Variants in PPP4R2 observed in about 807,000 individuals in gnomAD.
PPP4R2 encodes the protein protein phosphatase 4 regulatory subunit 2, also known as serine/threonine-protein phosphatase 4 regulatory subunit 2.
A neutral mutation model predicts 47.2 loss-of-function variants in PPP4R2; 13 were observed. The observed-to-expected ratio is 0.28, with a 90% CI of 0.18 to 0.44. The LOEUF (loss-of-function observed/expected upper bound fraction) is 0.44. Ranked by LOEUF, PPP4R2 falls within the 20% of genes least tolerant of loss-of-function variation. PPP4R2 has a pLI of 1.00. For synonymous variants in PPP4R2, 151 were observed against 163.3 expected, an observed-to-expected ratio of 0.92 and a Z score of 0.57; for missense variants, 421 against 491.2, an observed-to-expected ratio of 0.86 and a Z score of 1.35.
intron 3 of PPP4R2, among the ~76,000 whole-genome samples, chr3:73,053,379 G>C (rs1226419742): frequency 1.3e-5 from 2 of 151,884 alleles, no homozygotes; most frequent in African/African-American, 4.8e-5. Flanking sequence ...GTGGTAATAT[G>C]GCTTGATGTG....
chr3:73,028,905 G>A (rs1198576394), intron 2 of PPP4R2, among the ~76,000 whole-genome samples: 1 of 152,200 alleles, frequency 6.6e-6, no homozygotes, highest in East Asian at 1.9e-4. Context: ...GTGGAGCACT[G>A]TAAAGGCTTT....
At chr3:73,046,410 G>T (rs79850995) in intron 2 of PPP4R2, among the ~76,000 whole-genome samples, 1 of 152,106 alleles carries the variant, frequency 6.6e-6, no homozygotes, top group Non-Finnish European at 1.5e-5. Context: ...AGTACTGTCT[G>T]CCTGAGGAAA....
At chr3:73,018,407 C>CGTTATGTTTGTTAT (rs1701885432) in intron 2 of PPP4R2, among the ~76,000 whole-genome samples, 2 of 96,028 alleles carry the variant, frequency 2.1e-5, no homozygotes, top group Non-Finnish European at 4.3e-5. Flanking sequence ...CTGTCATAGT[C>CGTTATGTTTGTTAT]GTTATGTTAT....
intron 2 of PPP4R2, among the ~76,000 whole-genome samples, chr3:73,024,468 G>A (rs1294405502): frequency 6.6e-6 from 1 of 152,094 alleles, no homozygotes; most frequent in Non-Finnish European, 1.5e-5. Context: ...ATATTTTGGT[G>A]GATCTTAAGG....
intron 2 of PPP4R2, among the ~76,000 whole-genome samples, chr3:73,011,121 G>T (rs980360185): frequency 6.6e-6 from 1 of 152,180 alleles, no homozygotes; most frequent in Admixed American, 6.5e-5. Flanking sequence ...CCCTTGTTCA[G>T]TTGTCTTACA....
At chr3:73,058,128 G>A (rs79698204) in intron 3 of PPP4R2, among the ~76,000 whole-genome samples, 2,960 of 152,074 alleles carry the variant, frequency 0.019, 84 homozygotes, top group African/African-American at 0.053. Flanking sequence ...AATGATTTTA[G>A]TTCCAACTTA....
intron 2 of PPP4R2, among the ~76,000 whole-genome samples, chr3:73,006,550 C>A (rs1261501727): frequency 1.3e-5 from 2 of 152,178 alleles, no homozygotes; most frequent in Non-Finnish European, 2.9e-5. Context: ...GTTTTAAGAA[C>A]ACGGCAGTTT....
intron 2 of PPP4R2, among the ~76,000 whole-genome samples, chr3:73,028,365 G>A (rs2107269868): frequency 6.6e-6 from 1 of 152,080 alleles, no homozygotes; most frequent in African/African-American, 2.4e-5. Context: ...AAATAAGATG[G>A]TCAGGGGAAG....
At chr3:73,060,296 T>TA (rs536127893) in intron 4 of PPP4R2, among the ~76,000 whole-genome samples, 50 of 152,356 alleles carry the variant, frequency 3.3e-4, no homozygotes, top group African/African-American at 7.7e-4. Context: ...CATCAGTACT[T>TA]ACTTTTCAGC....
intron 2 of PPP4R2, among the ~76,000 whole-genome samples, chr3:73,042,361 CTTTTTTTTTTTT>C (rs10709279): frequency 4.0e-5 from 3 of 75,928 alleles, no homozygotes; most frequent in East Asian, 4.0e-4. Flanking sequence ...AATATAATTT[CTTTTTTTTTTTT>C]TTTTTTTTTG....
intron 5 of PPP4R2, chr3:73,062,878 A>G (rs1702899101): frequency 6.2e-7 from 1 of 1,612,822 alleles, no homozygotes; most frequent in Non-Finnish European, 8.5e-7. Flanking sequence ...TCCCCTCTAC[A>G]CAAGCTACGC....
At position 73,067,924 on chromosome 3, in the gene PPP4R2, T is replaced by C. The variant is rs960378166; in HGVS notation, c.*2202T>C. The C allele has an allele frequency of 2.6e-5, 4 of 152,202 alleles. No individual in the cohort carries two copies. Among genetic ancestry groups the C allele is most frequent in the Non-Finnish European group, 5.9e-5 (4 of 68,028 alleles). The allele number at this position is 152,202 out of a possible 1,614,324, so 9.4% of individuals were successfully genotyped here. On this transcript the variant is annotated 3_prime_UTR_variant, in exon 9 of 9. Coordinates refer to ENST00000356692, the MANE Select transcript of PPP4R2 (RefSeq NM_174907.4). ...GCATTTTAATCTATAGTTTAATAGT[T>C]TTAATATTTATTAGATATTCATATG...
At chr3:73,042,098 A>G in intron 2 of PPP4R2, among the ~76,000 whole-genome samples, 1 of 152,164 alleles carries the variant, frequency 6.6e-6, no homozygotes, top group Non-Finnish European at 1.5e-5. Context: ...TTATTGAGTT[A>G]ATTTCAGTAA....
At chr3:73,016,739 A>C (rs9862644) in intron 2 of PPP4R2, among the ~76,000 whole-genome samples, 1 of 98,494 alleles carries the variant, frequency 1.0e-5, no homozygotes, top group Admixed American at 1.0e-4. Flanking sequence ...GTTTATTTTT[A>C]TTATTTTTTT....
intron 3 of PPP4R2, among the ~76,000 whole-genome samples, chr3:73,048,926 G>T (rs763648793): frequency 3.9e-5 from 6 of 152,104 alleles, no homozygotes; most frequent in Non-Finnish European, 5.9e-5. Flanking sequence ...AATATTTTGT[G>T]GGGGAGAAAT....
chr3:73,018,878 C>T (rs1701904017), intron 2 of PPP4R2, among the ~76,000 whole-genome samples: 1 of 152,140 alleles, frequency 6.6e-6, no homozygotes, highest in Admixed American at 6.5e-5. Flanking sequence ...TGCCATATTT[C>T]TGACATGTAT....
chr3:73,040,530 T>C (rs924031325), intron 2 of PPP4R2, among the ~76,000 whole-genome samples: 4 of 140,484 alleles, frequency 2.8e-5, no homozygotes, highest in African/African-American at 8.0e-5. Context: ...GAGACAGTCT[T>C]GCTCTGTCAC....
intron 2 of PPP4R2, among the ~76,000 whole-genome samples, chr3:73,015,544 C>T (rs1397820737): frequency 3.3e-5 from 5 of 150,320 alleles, no homozygotes; most frequent in East Asian, 3.9e-4. Flanking sequence ...GGCATGATCT[C>T]GGCTCACTGC....
chr3:73,034,547 G>C (rs1702228622), intron 2 of PPP4R2, among the ~76,000 whole-genome samples: 2 of 152,090 alleles, frequency 1.3e-5, no homozygotes, highest in Admixed American at 1.3e-4. Flanking sequence ...GTTTTGTTTT[G>C]TTTTTTAGAG....
Sources: gnomAD v4.1 joint callset for allele counts (sites outside exome capture counted in the v4.1 genomes callset) on GRCh38, gnomAD v4.1.1 for gene constraint, MANE v1.5 for transcripts, NCBI Gene and HGNC (gene_info 2026-07-23, HGNC 2026-07-21) for gene names.